MBD5: variants seen among roughly 807,000 people sequenced by gnomAD.
The protein encoded by MBD5 is methyl-CpG-binding domain protein 5.
A neutral mutation model predicts 117.3 loss-of-function variants in MBD5; 13 were observed. The observed-to-expected ratio is 0.11, with a 90% CI of 0.07 to 0.18. MBD5 has a LOEUF of 0.18. Among genes scored for constraint, MBD5 ranks in the 10% least tolerant of loss-of-function variants. MBD5 has a pLI of 1.00. For synonymous variants in MBD5, 727 were observed against 766.4 expected, an observed-to-expected ratio of 0.95 and a Z score of 0.85; for missense variants, 1,879 against 2,093.8, an observed-to-expected ratio of 0.90 and a Z score of 2.00.
chr2:148,354,906 G>C (rs534231726), intron 4 of MBD5, among the ~76,000 whole-genome samples: 24 of 151,654 alleles, frequency 1.6e-4, no homozygotes, highest in Non-Finnish European at 2.2e-4. Context: ...CTTCTTTTGA[G>C]AAGTGTCTGT....
chr2:148,330,051 C>CA (rs1559026368), intron 3 of MBD5, among the ~76,000 whole-genome samples: 1 of 31,148 alleles, frequency 3.2e-5, no homozygotes, highest in East Asian at 9.6e-4. Context: ...CCGCCCCCCC[C>CA]ACACACACAC....
At chr2:148,364,050 C>A (rs1214821156) in intron 4 of MBD5, among the ~76,000 whole-genome samples, 1 of 152,068 alleles carries the variant, frequency 6.6e-6, no homozygotes, top group African/African-American at 2.4e-5. Flanking sequence ...TCGACAGATT[C>A]GCCAAGGTTG....
intron 4 of MBD5, among the ~76,000 whole-genome samples, chr2:148,413,103 A>G (rs563813984): frequency 2.7e-4 from 41 of 152,084 alleles, no homozygotes; most frequent in African/African-American, 9.2e-4. Flanking sequence ...TTTGTCATAG[A>G]TGGTTCTTAT....
chr2:148,507,007 A>C (rs1682052751), intron 12 of MBD5, among the ~76,000 whole-genome samples: 1 of 152,118 alleles, frequency 6.6e-6, no homozygotes, highest in Non-Finnish European at 1.5e-5. Flanking sequence ...CTCAAATCTC[A>C]TGATATATAC....
intron 8 of MBD5, among the ~76,000 whole-genome samples, chr2:148,478,681 G>C (rs566656358): frequency 1.3e-5 from 2 of 152,254 alleles, no homozygotes; most frequent in African/African-American, 4.8e-5. Flanking sequence ...TTGTTTAGGT[G>C]GCCTTCCAGT....
In MBD5 at chr2:148,198,837, G is replaced by C. The variant is rs536336528; in HGVS notation, c.-831+20044G>C. On this transcript the variant is annotated intron_variant, in intron 2 of 13. Transcript: ENST00000642680. Reference sequence around the variant, plus strand: ...CACAGGGATCATAAGAGGACATGATGACTTTCCTAGAGTAGCTTCTAATCT... The same window carrying C: ...CACAGGGATCATAAGAGGACATGATCACTTTCCTAGAGTAGCTTCTAATCT... Among the ~76,000 whole-genome samples the C allele has an allele frequency of 2.0e-5, 3 of 152,136 alleles. No individual in the cohort carries two copies. In the East Asian group the frequency reaches 5.8e-4, roughly 29 times the overall value.
chr2:148,257,067 G>T (rs1271699077), intron 3 of MBD5, among the ~76,000 whole-genome samples: 1 of 152,186 alleles, frequency 6.6e-6, no homozygotes, highest in East Asian at 1.9e-4. Context: ...ATATATAGCT[G>T]CTAGCTGTTT....
chr2:148,457,029 G>A (rs1706906126), intron 4 of MBD5, among the ~76,000 whole-genome samples: 2 of 152,072 alleles, frequency 1.3e-5, no homozygotes, highest in African/African-American at 4.8e-5. Context: ...TGTTTAATTT[G>A]TTACTTGATT....
Position 148,483,531 on chromosome 2 carries a change from A to T in MBD5, c.2940A>T (p.Val980=), listed in dbSNP as rs1219459784. 5 of 1,603,074 alleles carry T rather than the reference A, an allele frequency of 3.1e-6. No individual in the cohort carries two copies. Among genetic ancestry groups the T allele is most frequent in the Non-Finnish European group, 3.4e-6 (4 of 1,174,200 alleles). The change falls in exon 9 of 14, where the codon GTA becomes GTT. Residue 980 remains valine (V), a synonymous_variant. Coordinates refer to ENST00000642680, the MANE Select transcript of MBD5 (RefSeq NM_001378120.1). ...TCTCCAGTGACATGGATGGGCAGGT[A>T]TTGCAGCCTGTTCACTTTCAGCTCT... The part of the protein sequence containing the change: ...AFLSSDMDGQ[V]LQPVHFQLLA...
intron 3 of MBD5, among the ~76,000 whole-genome samples, chr2:148,323,943 C>T (rs2106587194): frequency 6.6e-6 from 1 of 152,242 alleles, no homozygotes; most frequent in Middle Eastern, 3.4e-3. Flanking sequence ...ATGGTAATGC[C>T]TAGGTTTTCT....
chr2:148,175,163 G>C (rs1698354319), intron 1 of MBD5, among the ~76,000 whole-genome samples: 1 of 152,032 alleles, frequency 6.6e-6, no homozygotes, highest in African/African-American at 2.4e-5. Context: ...ATGTTTACTG[G>C]CTTCATTTAG....
Position 148,227,595 on chromosome 2 carries a change from G to A in MBD5, c.-830-5650G>A, listed in dbSNP as rs1558981172. ...TGGCTTAGGATTGACTTGGCAATGTGGGCTCTATTTTGGTTCCATATGAAC... is the reference window on the plus strand; with the variant it reads ...TGGCTTAGGATTGACTTGGCAATGTAGGCTCTATTTTGGTTCCATATGAAC... On this transcript the variant is annotated intron_variant, in intron 2 of 13. Coordinates refer to ENST00000642680, the MANE Select transcript of MBD5 (RefSeq NM_001378120.1). 2.0e-5 allele frequency among the ~76,000 whole-genome samples: 3 copies of A among 152,128 alleles called. No individual in the cohort carries two copies. In the South Asian group the frequency reaches 6.2e-4, roughly 32 times the overall value.
intron 4 of MBD5, among the ~76,000 whole-genome samples, chr2:148,382,631 C>T (rs2105449462): frequency 6.6e-6 from 1 of 152,240 alleles, no homozygotes; most frequent in African/African-American, 2.4e-5. Flanking sequence ...GAACTCTCCA[C>T]CCCAAATCAA....
intron 11 of MBD5, among the ~76,000 whole-genome samples, chr2:148,498,496 C>T (rs1236364012): frequency 6.6e-6 from 1 of 152,148 alleles, no homozygotes; most frequent in Non-Finnish European, 1.5e-5. Context: ...TGCCACCATG[C>T]CCAGCTATTT....
At position 148,427,365 on chromosome 2, in the gene MBD5, C is replaced by T. The variant is rs767266081; in HGVS notation, c.-556-30838C>T. ...GACACATGCACACGTATGTTTACTGCGGCACTATTCACAATAGCAAAGACT... is the reference window on the plus strand; with the variant it reads ...GACACATGCACACGTATGTTTACTGTGGCACTATTCACAATAGCAAAGACT... On this transcript the variant is annotated intron_variant, in intron 4 of 13. Coordinates refer to ENST00000642680, the MANE Select transcript of MBD5 (RefSeq NM_001378120.1). Among the ~76,000 whole-genome samples, 18 of 152,052 alleles carry T rather than the reference C, an allele frequency of 1.2e-4. 1 individual carries two copies. Among genetic ancestry groups the T allele is most frequent in the African/African-American group, 2.7e-4 (11 of 41,376 alleles).
chr2:148,252,943 G>A (rs72856342), intron 3 of MBD5, among the ~76,000 whole-genome samples: 35,091 of 151,976 alleles, frequency 0.23, 4,399 homozygotes, highest in East Asian at 0.53. Flanking sequence ...TGTGGTGTCT[G>A]AAGAATGTGT....
In MBD5 at chr2:148,155,137, C is replaced by T. The variant is rs773731829; in HGVS notation, c.-924-23563C>T. Among the ~76,000 whole-genome samples, 96 of 152,012 alleles carry T rather than the reference C, an allele frequency of 6.3e-4. 1 individual carries two copies. The highest frequency in any genetic ancestry group is 8.5e-4 in the Non-Finnish European group (58 of 68,012). ...GACAAATTCTTTGGAGAAAAATGAGCGGGAAAGATTGCTAAGGAGAGCCAA... is the reference window on the plus strand; with the variant it reads ...GACAAATTCTTTGGAGAAAAATGAGTGGGAAAGATTGCTAAGGAGAGCCAA... On this transcript the variant is annotated intron_variant, in intron 1 of 13. Coordinates refer to ENST00000642680, the MANE Select transcript of MBD5 (RefSeq NM_001378120.1).
chr2:148,382,097 C>T (rs1253747653), intron 4 of MBD5, among the ~76,000 whole-genome samples: 2 of 152,112 alleles, frequency 1.3e-5, no homozygotes, highest in Non-Finnish European at 1.5e-5. Flanking sequence ...GGATCAAATT[C>T]GCACATAACA....
chr2:148,175,807 T>A (rs1698371502), intron 1 of MBD5, among the ~76,000 whole-genome samples: 1 of 152,224 alleles, frequency 6.6e-6, no homozygotes, highest in African/African-American at 2.4e-5. Context: ...CTTTATTTTC[T>A]ACTTTTTAAG....
Sources: gnomAD v4.1 joint callset for allele counts (sites outside exome capture counted in the v4.1 genomes callset) on GRCh38, gnomAD v4.1.1 for gene constraint, MANE v1.5 for transcripts, NCBI Gene and HGNC (gene_info 2026-07-23, HGNC 2026-07-21) for gene names.